Variants in SORBS2 observed in about 807,000 individuals in gnomAD.
The protein encoded by SORBS2 is sorbin and SH3 domain containing 2.
In SORBS2, 46 loss-of-function variants were observed where a neutral mutation model predicts 97.7. The observed-to-expected ratio is 0.47, with a 90% CI of 0.37 to 0.60. SORBS2 has a LOEUF of 0.60. SORBS2 is among the 20% of genes least tolerant of loss of function. The pLI, the probability that SORBS2 is intolerant of heterozygous loss-of-function variation, is 0.00. For missense variants in SORBS2, 1,316 were observed against 1,282.3 expected (o/e 1.03, Z -0.40); for synonymous variants, 476 against 473.4 (o/e 1.01, Z -0.07).
chr4:185,659,828 C>T (rs1380248771), upstream of SORBS2, among the ~76,000 whole-genome samples: 3 of 152,130 alleles, frequency 2.0e-5, no homozygotes, highest in East Asian at 1.9e-4. Context: ...TTTTTATTAG[C>T]GACGAATGTT....
At chr4:185,742,014 G>A (rs1478137524) in intron 2 of SORBS2, among the ~76,000 whole-genome samples, 2 of 152,232 alleles carry the variant, frequency 1.3e-5, no homozygotes, top group South Asian at 2.1e-4. Context: ...CTCCCCATCC[G>A]CTGATTTGCC....
chr4:185,813,910 C>T (rs1449947582), intron 1 of SORBS2, among the ~76,000 whole-genome samples: 1 of 152,130 alleles, frequency 6.6e-6, no homozygotes, highest in Non-Finnish European at 1.5e-5. Flanking sequence ...TCTATCAACT[C>T]TCTGGAAGCC....
At chr4:185,764,848 A>G (rs762293469) in intron 2 of SORBS2, among the ~76,000 whole-genome samples, 2 of 152,172 alleles carry the variant, frequency 1.3e-5, no homozygotes, top group Non-Finnish European at 2.9e-5. Context: ...CCTGCTGCAC[A>G]TGTCTCTAAT....
In SORBS2 at chr4:185,744,708, C is replaced by T. The variant is rs6818832; in HGVS notation, c.-198+30519G>A. Among the ~76,000 whole-genome samples, 1,247 of 152,296 alleles carry T rather than the reference C, an allele frequency of 8.2e-3. 20 individuals carry two copies. The highest frequency in any genetic ancestry group is 0.028 in the African/African-American group (1,164 of 41,566). ...TTGATGAACTGACAATGTCCAAGTC[C>T]ACCAAATGGTCCAACATTCAGAGAT... On this transcript the variant is annotated intron_variant, in intron 2 of 20. Coordinates refer to the SORBS2 transcript ENST00000284776.
intron 1 of SORBS2, among the ~76,000 whole-genome samples, chr4:185,844,781 G>C (rs2099213581): frequency 6.6e-6 from 1 of 152,178 alleles, no homozygotes; most frequent in Non-Finnish European, 1.5e-5. Context: ...CCATAAAAGG[G>C]AATGAAGTAC....
intron 1 of SORBS2, among the ~76,000 whole-genome samples, chr4:185,884,912 GC>G (rs2099238630): frequency 1.3e-5 from 2 of 152,270 alleles, no homozygotes; most frequent in South Asian, 2.1e-4. Context: ...CAGTCATACT[GC>G]TGATTTCCCT....
At chr4:185,935,574 G>A (rs571884789) in intron 1 of SORBS2, among the ~76,000 whole-genome samples, 99 of 152,326 alleles carry the variant, frequency 6.5e-4, no homozygotes, top group South Asian at 5.6e-3. Flanking sequence ...ATTTTACCAT[G>A]AGTAGCCATT....
At chr4:185,897,625 G>A (rs997257231) in intron 1 of SORBS2, among the ~76,000 whole-genome samples, 1 of 152,162 alleles carries the variant, frequency 6.6e-6, no homozygotes, top group Non-Finnish European at 1.5e-5. Context: ...CCTAGGCCCT[G>A]ACACAACCAT....
intron 3 of SORBS2, among the ~76,000 whole-genome samples, chr4:185,648,029 T>A (rs1213210308): frequency 6.6e-6 from 1 of 152,214 alleles, no homozygotes; most frequent in Non-Finnish European, 1.5e-5. Flanking sequence ...CTGAGGAGAT[T>A]GGTATTAAAA....
rs79600762 is a variant in SORBS2 at position 185,767,611 on chromosome 4, G to C, written c.-198+7616C>G. 6.3e-4 allele frequency among the ~76,000 whole-genome samples: 95 copies of C among 151,740 alleles called. 2 individuals are homozygous for C. In the East Asian group the frequency reaches 0.018, roughly 29 times the overall value. ...ATACTGAGCATTAAATAAAATTATA[G>C]GTGCAATTATTTTACAGGTAAGTTT... On this transcript the variant is annotated intron_variant, in intron 2 of 20. Transcript: ENST00000284776.
At chr4:185,889,798 T>C (rs2099241552) in intron 1 of SORBS2, among the ~76,000 whole-genome samples, 1 of 152,170 alleles carries the variant, frequency 6.6e-6, no homozygotes, top group Non-Finnish European at 1.5e-5. Context: ...ACTTGCCACC[T>C]GAGCTATTGC....
chr4:185,746,290 C>T (rs1480930155), intron 2 of SORBS2, among the ~76,000 whole-genome samples: 3 of 152,118 alleles, frequency 2.0e-5, no homozygotes, highest in Non-Finnish European at 4.4e-5. Context: ...CACGTAGTCT[C>T]TCTTATCTGG....
intron 12 of SORBS2, among the ~76,000 whole-genome samples, chr4:185,605,669 C>G (rs1271579715): frequency 6.6e-6 from 1 of 151,854 alleles, no homozygotes; most frequent in Non-Finnish European, 1.5e-5. Flanking sequence ...ATTACAACCT[C>G]CTCCTCCCGG....
intron 1 of SORBS2, among the ~76,000 whole-genome samples, chr4:185,787,442 T>C (rs2099061385): frequency 1.3e-5 from 2 of 152,238 alleles, no homozygotes; most frequent in Admixed American, 1.3e-4. Context: ...AGATAAGCCG[T>C]AAGGGACAGA....
At chr4:185,845,619 G>A (rs1246844157) in intron 1 of SORBS2, among the ~76,000 whole-genome samples, 1 of 152,078 alleles carries the variant, frequency 6.6e-6, no homozygotes, top group East Asian at 1.9e-4. Flanking sequence ...GGAAACCACA[G>A]AAAGGGAGAA....
chr4:185,623,874 T>G lies in SORBS2; in HGVS notation c.1255A>C (p.Lys419Gln). The G allele has an allele frequency of 7.4e-6, 12 of 1,614,112 alleles. No individual in the cohort carries two copies. The highest frequency in any genetic ancestry group is 1.0e-5 in the Non-Finnish European group (12 of 1,179,988). The stretch of plus-strand genomic sequence containing the variant: ...ATGGATTTGGACTTCTGGATCAGCT[T>G]TTCGAATTCGGAGATGCGTGTGGGC... Residue 419 changes from lysine (K) to glutamine (Q), a missense_variant, in exon 7 of 15, where the codon AAG (lysine) becomes CAG (glutamine). Lys to Gln is a moderately conservative substitution (Grantham distance 53). Coordinates refer to ENST00000418609, the Ensembl canonical transcript of SORBS2. The surrounding 1 kb of genome is among the most constrained non-coding windows in gnomAD (Gnocchi z 6.4).
chr4:185,751,832 C>T (rs1047528780), intron 2 of SORBS2, among the ~76,000 whole-genome samples: 6 of 152,186 alleles, frequency 3.9e-5, no homozygotes, highest in Admixed American at 6.5e-5. Context: ...GAGTCAGCAT[C>T]GCAAACAAGC....
intron 1 of SORBS2, among the ~76,000 whole-genome samples, chr4:185,847,424 G>T (rs950895059): frequency 6.6e-6 from 1 of 152,050 alleles, no homozygotes. Flanking sequence ...GTGCCGAAAT[G>T]CCAGGACCAG....
At chr4:185,721,263 C>A (rs1227524583) in intron 2 of SORBS2, among the ~76,000 whole-genome samples, 1 of 151,874 alleles carries the variant, frequency 6.6e-6, no homozygotes, top group Non-Finnish European at 1.5e-5. Context: ...TTAGTAGAAA[C>A]GGGGTTTTGC....
Sources: allele counts gnomAD v4.1 joint callset (sites outside exome capture counted in the v4.1 genomes callset), GRCh38; gene constraint gnomAD v4.1.1; non-coding constraint Gnocchi (gnomAD v3.1); transcripts MANE v1.5; gene names NCBI Gene and HGNC (gene_info 2026-07-23, HGNC 2026-07-21).